GAB1: variants seen among roughly 807,000 people sequenced by gnomAD.
The protein encoded by GAB1 is GRB2 associated binding protein 1, also known as GRB2-associated-binding protein 1.
Under a neutral mutation model 66.5 loss-of-function variants are expected in GAB1, and 19 were observed. The observed-to-expected ratio is 0.29, with a 90% CI of 0.20 to 0.42. GAB1 has a LOEUF of 0.42. Among genes scored for constraint, GAB1 ranks in the 10% least tolerant of loss-of-function variants. The pLI, the probability that GAB1 is intolerant of heterozygous loss-of-function variation, is 1.00. For missense variants in GAB1, 732 were observed against 858.5 expected (o/e 0.85, Z 1.84); for synonymous variants, 294 against 301.4 (o/e 0.98, Z 0.25).
chr4:143,415,412 T>A (rs1207373974), intron 1 of GAB1, 65 bp from the exon 2 acceptor site: 17 of 1,219,196 alleles, frequency 1.4e-5, no homozygotes, highest in Non-Finnish European at 2.0e-5. Context: ...GTTTGATAAA[T>A]GTGCATCTTC....
At chr4:143,396,120 A>T in intron 1 of GAB1, 1 of 389,176 alleles carries the variant, frequency 2.6e-6, no homozygotes, top group South Asian at 1.9e-5. Flanking sequence ...AGGAGAATCC[A>T]CTAAAACTTG....
intron 1 of GAB1, chr4:143,394,832 G>T (rs936224683): frequency 1.3e-5 from 2 of 152,138 alleles, no homozygotes; most frequent in Non-Finnish European, 2.9e-5. Context: ...TTATTCTGTT[G>T]ATGGATATTG....
rs746487196 is a variant in GAB1 at position 143,337,237 on chromosome 4, C to G, written c.49C>G (p.Pro17Ala). ...VCSGWLRKSP[P>A]EKKLKRYAWK... is the part of the protein sequence containing the mutation. ...CTCCGGATGGCTCCGCAAGTCCCCC[C>G]CGGAGAAAAAGTTGAAGCGTTATGT... Residue 17 changes from proline to alanine, a missense_variant, in exon 1 of 10, where the codon CCG becomes GCG. By Grantham distance (27) the Pro-to-Ala change is conservative. Transcript: ENST00000262994. 2 of 1,584,106 alleles carry G rather than the reference C, an allele frequency of 1.3e-6. No individual in the cohort carries two copies. Among genetic ancestry groups the G allele is most frequent in the South Asian group, 1.2e-5 (1 of 86,766 alleles).
At chr4:143,343,202 C>T (rs1728880445) in intron 1 of GAB1, among the ~76,000 whole-genome samples, 1 of 152,104 alleles carries the variant, frequency 6.6e-6, no homozygotes, top group Non-Finnish European at 1.5e-5. Context: ...TGCAGTTTAG[C>T]GTTCCTCTTC....
At chr4:143,419,297 ACAGT>A (rs1732887643) in intron 2 of GAB1, among the ~76,000 whole-genome samples, 2 of 152,162 alleles carry the variant, frequency 1.3e-5, no homozygotes, top group African/African-American at 4.8e-5. Context: ...CATAGAGCTT[ACAGT>A]CAGTCTAGTA....
chr4:143,368,806 C>CT (rs1269299451), intron 1 of GAB1, among the ~76,000 whole-genome samples: 1 of 151,978 alleles, frequency 6.6e-6, no homozygotes, highest in African/African-American at 2.4e-5. Context: ...AATACGAACT[C>CT]TTTTTTTTCT....
intron 2 of GAB1, among the ~76,000 whole-genome samples, chr4:143,418,686 CT>C (rs202207177): frequency 6.7e-6 from 1 of 148,404 alleles, no homozygotes; most frequent in Non-Finnish European, 1.5e-5. Context: ...ACCTCTCTTA[CT>C]TTTTTTTACA....
intron 6 of GAB1, among the ~76,000 whole-genome samples, chr4:143,443,018 T>TC (rs1734322308): frequency 6.8e-6 from 1 of 146,862 alleles, no homozygotes; most frequent in South Asian, 2.2e-4. Flanking sequence ...ATTTTACTTT[T>TC]TTTTTTTTTT....
At position 143,433,890 on chromosome 4, in the gene GAB1, C is replaced by T. The variant is rs28925899; in HGVS notation, c.593+174C>T. ...AGGTTTACATTCCCCTATTGATTTCCGATATTCAGGAGATTGTATCGAAGA... is the reference window on the plus strand; with the variant it reads ...AGGTTTACATTCCCCTATTGATTTCTGATATTCAGGAGATTGTATCGAAGA... On this transcript the variant is annotated intron_variant, in intron 3 of 9. Transcript: ENST00000262994. Among the ~76,000 whole-genome samples the T allele has an allele frequency of 5.3e-3, 800 of 152,282 alleles. 1 individual carries two copies. Among genetic ancestry groups the T allele is most frequent in the Middle Eastern group, 0.01 (3 of 294 alleles).
chr4:143,367,726 T>TG (rs1352905419), intron 1 of GAB1, among the ~76,000 whole-genome samples: 1 of 142,962 alleles, frequency 7.0e-6, no homozygotes, highest in African/African-American at 2.7e-5. Context: ...AGGGTTTTTT[T>TG]TTTTTTTTTT....
chr4:143,413,829 T>C (rs1175729809), intron 1 of GAB1, among the ~76,000 whole-genome samples: 2 of 133,942 alleles, frequency 1.5e-5, no homozygotes, highest in Admixed American at 7.2e-5. Context: ...CTGCCCTTTT[T>C]TTTTTTTTTT....
At chr4:143,423,837 T>A (rs1230520817) in intron 2 of GAB1, among the ~76,000 whole-genome samples, 2 of 112,772 alleles carry the variant, frequency 1.8e-5, no homozygotes, top group Non-Finnish European at 3.8e-5. Context: ...TATATATATA[T>A]GTCTTCACGT....
Position 143,397,053 on chromosome 4 carries a change from C to T in GAB1, c.73-18424C>T, listed in dbSNP as rs866654455. ...GTGTTGCCTGATAAACTGTTCTGTA[C>T]AGTTTGATAATCTCTTGCAGGGAGA... On this transcript the variant is annotated intron_variant, in intron 1 of 9. Coordinates refer to ENST00000262994, the MANE Select transcript of GAB1 (RefSeq NM_002039.4). 3.9e-5 allele frequency among the ~76,000 whole-genome samples: 6 copies of T among 152,266 alleles called. No individual in the cohort carries two copies. In the South Asian group the frequency reaches 1.0e-3, roughly 26 times the overall value.
At chr4:143,371,432 G>A (rs576896716) in intron 1 of GAB1, among the ~76,000 whole-genome samples, 2 of 152,164 alleles carry the variant, frequency 1.3e-5, no homozygotes, top group Non-Finnish European at 2.9e-5. Flanking sequence ...TAAGTTCTTT[G>A]TAGATTCTGG....
chr4:143,409,148 A>C (rs1241241556), intron 1 of GAB1, among the ~76,000 whole-genome samples: 1 of 152,168 alleles, frequency 6.6e-6, no homozygotes, highest in East Asian at 1.9e-4. Context: ...TCTCAGGGGA[A>C]GTTGAGGAAA....
At chr4:143,428,230 C>T (rs922851407) in intron 2 of GAB1, among the ~76,000 whole-genome samples, 1 of 152,200 alleles carries the variant, frequency 6.6e-6, no homozygotes, top group Non-Finnish European at 1.5e-5. Flanking sequence ...CCTGTCAGAT[C>T]TAGTTTTATT....
intron 1 of GAB1, among the ~76,000 whole-genome samples, chr4:143,410,553 G>A (rs1461333359): frequency 6.6e-6 from 1 of 152,170 alleles, no homozygotes; most frequent in Non-Finnish European, 1.5e-5. Flanking sequence ...CCTGCCTTAA[G>A]ACCTAGCTTC....
At chr4:143,460,989 A>G (rs1308653896) in intron 8 of GAB1, among the ~76,000 whole-genome samples, 1 of 152,176 alleles carries the variant, frequency 6.6e-6, no homozygotes, top group African/African-American at 2.4e-5. Context: ...ATACCTTTAG[A>G]TAGGTGTAAA....
intron 1 of GAB1, among the ~76,000 whole-genome samples, chr4:143,359,428 A>G (rs1729575821): frequency 6.6e-6 from 1 of 152,190 alleles, no homozygotes; most frequent in South Asian, 2.1e-4. Context: ...TAAAGGCTAG[A>G]CAAGTCCTGT....
Sources: allele counts gnomAD v4.1 joint callset (sites outside exome capture counted in the v4.1 genomes callset), GRCh38; gene constraint gnomAD v4.1.1; transcripts MANE v1.5; gene names NCBI Gene and HGNC (gene_info 2026-07-23, HGNC 2026-07-21).